The following RCC2 variants were observed in gnomAD, a reference collection of about 807,000 sequenced individuals.
RCC2 encodes the protein regulator of chromosome condensation 2.
A neutral mutation model predicts 64.1 loss-of-function variants in RCC2; 19 were observed. The ratio of observed to expected loss-of-function variants is 0.30; its 90% CI spans 0.21 to 0.44. The LOEUF (loss-of-function observed/expected upper bound fraction) is 0.44. RCC2 is among the 20% of genes least tolerant of loss of function. The pLI, the probability that RCC2 is intolerant of heterozygous loss-of-function variation, is 1.00. For synonymous variants in RCC2, 325 were observed against 279.6 expected (o/e 1.16, Z -1.62); for missense variants, 508 against 710.4 (o/e 0.72, Z 3.24).
chr1:17,431,141 G>T (rs537732277), intron 2 of RCC2, among the ~76,000 whole-genome samples: 1 of 150,032 alleles, frequency 6.7e-6, no homozygotes, highest in South Asian at 2.1e-4. Context: ...GACCATCCTG[G>T]CTAGCACGGT....
intron 7 of RCC2, among the ~76,000 whole-genome samples, chr1:17,418,978 G>A (rs2075521092): frequency 6.6e-6 from 1 of 152,302 alleles, no homozygotes. Flanking sequence ...TTCTCCAGAA[G>A]TACAGGACAG....
At chr1:17,424,361 G>A (rs1350288313) in intron 4 of RCC2, among the ~76,000 whole-genome samples, 1 of 152,214 alleles carries the variant, frequency 6.6e-6, no homozygotes, top group African/African-American at 2.4e-5. Context: ...CGCAAGTGAA[G>A]CTCAGCGAGA....
At position 17,426,665 on chromosome 1, in the gene RCC2, G is replaced by A. The variant is rs117300197; in HGVS notation, c.380-981C>T. ...CCCTCACAAATGCCTGGCACGCAGC[G>A]AGCACTCAATGGGAAAGAAAACCAC... On this transcript the variant is annotated intron_variant, in intron 3 of 12. Coordinates refer to ENST00000375436, the MANE Select transcript of RCC2 (RefSeq NM_018715.4). Among the ~76,000 whole-genome samples the A allele has an allele frequency of 1.1e-4, 17 of 151,814 alleles. No individual in the cohort carries two copies. The East Asian group carries it at 2.3e-3, about 21-fold the overall frequency.
chr1:17,424,190 C>A (rs901561649), intron 4 of RCC2, among the ~76,000 whole-genome samples: 1 of 152,214 alleles, frequency 6.6e-6, no homozygotes. Context: ...ACACCAGACG[C>A]CGCCCCCTGC....
chr1:17,436,327 A>C (rs1386743340), intron 2 of RCC2, among the ~76,000 whole-genome samples: 1 of 152,152 alleles, frequency 6.6e-6, no homozygotes, highest in Non-Finnish European at 1.5e-5. Flanking sequence ...AACATGGTAA[A>C]ACCCAGCCTC....
chr1:17,414,498 C>G (rs1466744070), intron 8 of RCC2, among the ~76,000 whole-genome samples: 1 of 149,670 alleles, frequency 6.7e-6, no homozygotes, highest in Non-Finnish European at 1.5e-5. Context: ...TCACTGCACT[C>G]CAGCCTGGGT....
At chr1:17,431,398 G>A (rs1409308529) in intron 2 of RCC2, among the ~76,000 whole-genome samples, 2 of 108,000 alleles carry the variant, frequency 1.9e-5, no homozygotes, top group African/African-American at 6.8e-5. Flanking sequence ...TGGGTGTGGT[G>A]GCTCACGCCT....
At position 17,422,089 on chromosome 1, in the gene RCC2, G is replaced by A. The variant is rs1570188207; in HGVS notation, c.744+114C>T. ...TCTACAGCATGTAACTAAACATCCA[G>A]ACCCTGTTTTTACAAGGGGTAAATT... On this transcript the variant is annotated intron_variant, in intron 6 of 12. Coordinates refer to ENST00000375436, the MANE Select transcript of RCC2 (RefSeq NM_018715.4). 2.0e-5 allele frequency: 14 copies of A among 703,106 alleles called. No homozygotes were observed. The East Asian group carries it at 3.8e-4, about 19-fold the overall frequency. The allele number at this position is 703,106 out of a possible 1,614,324, so 43.6% of individuals were successfully genotyped here.
chr1:17,431,227 G>A (rs1310833282), intron 2 of RCC2, among the ~76,000 whole-genome samples: 21 of 148,174 alleles, frequency 1.4e-4, no homozygotes, highest in Admixed American at 4.7e-4. Flanking sequence ...CCAGCTACTC[G>A]GGAGGCTGAG....
chr1:17,425,506 T>C, intron 4 of RCC2, 35 bp downstream of exon 4: 2 of 1,554,206 alleles, frequency 1.3e-6, no homozygotes, highest in Non-Finnish European at 1.8e-6. Flanking sequence ...CTGGTGACAG[T>C]GGTCCCCAGT....
chr1:17,434,703 T>G (rs928519659), intron 2 of RCC2, among the ~76,000 whole-genome samples: 1 of 152,116 alleles, frequency 6.6e-6, no homozygotes, highest in Non-Finnish European at 1.5e-5. Context: ...GAAATCTACC[T>G]CCAGGTGGAT....
chr1:17,408,150 G>C lies in RCC2; in HGVS notation c.*940C>G, dbSNP rs1014341388. The C allele has an allele frequency of 1.3e-5, 2 of 152,456 alleles. No individual in the cohort carries two copies. Among genetic ancestry groups the C allele is most frequent in the African/African-American group, 2.4e-5 (1 of 41,464 alleles). 9.4% of individuals were successfully genotyped at this position (152,456 alleles called of 1,614,324 possible). The stretch of plus-strand genomic sequence containing the variant: ...GCCCGCGCGAGGCAGGATCCAGGCG[G>C]GGGGGAGAAAAAGAGACCAAAGCAC... On this transcript the variant is annotated 3_prime_UTR_variant, in exon 13 of 13. Transcript: ENST00000375436.
rs529802186 is a variant in RCC2, at chr1:17,428,449, G to A, written c.379+657C>T. On this transcript the variant is annotated intron_variant, in intron 3 of 12. Coordinates refer to ENST00000375436, the MANE Select transcript of RCC2 (RefSeq NM_018715.4). ...TTTTAAGGTGCCAAGACGAGCCAGC[G>A]TGCAAATATTTGTTCATGGGGCAAA... Among the ~76,000 whole-genome samples the A allele has an allele frequency of 2.6e-5, 4 of 152,342 alleles. No homozygotes were observed. In the South Asian group the frequency reaches 6.2e-4, roughly 24 times the overall value.
rs1027203159 is a variant in RCC2, at chr1:17,409,095, G to C, written c.1564C>G (p.Leu522Val). 8.1e-6 allele frequency: 13 copies of C among 1,610,192 alleles called. No individual in the cohort carries two copies. The Admixed American group carries it at 2.0e-4, about 25-fold the overall frequency. The change falls in exon 13 of 13, where the codon CTC becomes GTC. Residue 522 changes from leucine (L) to valine (V), a missense_variant. Leu to Val is a conservative substitution (Grantham distance 32). Around this residue, in one of 4 missense-constraint regions of RCC2, gnomAD observed 179 missense variants for 322.0 expected, o/e 0.56. Coordinates refer to ENST00000375436, the MANE Select transcript of RCC2 (RefSeq NM_018715.4). ...KKLPEYNPRT[L>V] Reference sequence around the variant, plus strand: ...CGGAGGAGTCTCCGGGAGCATCAGAGGGTTCGGGGGTTGTATTCTGGCAGT... The same window carrying C: ...CGGAGGAGTCTCCGGGAGCATCAGACGGTTCGGGGGTTGTATTCTGGCAGT...
chr1:17,433,825 C>T (rs967115152), intron 2 of RCC2, among the ~76,000 whole-genome samples: 8 of 152,122 alleles, frequency 5.3e-5, no homozygotes, highest in East Asian at 1.9e-4. Context: ...TGTAGAAGAC[C>T]GCTGCTCCGG....
At chr1:17,438,202 C>T in intron 2 of RCC2, 28 bp downstream of exon 2, 1 of 1,202,860 alleles carries the variant, frequency 8.3e-7, no homozygotes, top group Non-Finnish European at 1.0e-6. Context: ...GGCCCTGCGC[C>T]CACCCGTCTA....
chr1:17,423,748 G>A lies in RCC2; in HGVS notation c.524-912C>T, dbSNP rs554338682. Among the ~76,000 whole-genome samples, 12 of 152,368 alleles carry A rather than the reference G, an allele frequency of 7.9e-5. No homozygotes were observed. In the South Asian group the frequency reaches 1.0e-3, roughly 13 times the overall value. Reference sequence around the variant, plus strand: ...TGTAACCTGACGTGGGGAAACTGACGGAGATCTTACAGTGGTGAGAAGTCA... The same window carrying A: ...TGTAACCTGACGTGGGGAAACTGACAGAGATCTTACAGTGGTGAGAAGTCA... On this transcript the variant is annotated intron_variant, in intron 4 of 12. Coordinates refer to ENST00000375436, the MANE Select transcript of RCC2 (RefSeq NM_018715.4).
chr1:17,424,117 C>A (rs528043222), intron 4 of RCC2, among the ~76,000 whole-genome samples: 1 of 152,198 alleles, frequency 6.6e-6, no homozygotes, highest in Non-Finnish European at 1.5e-5. Flanking sequence ...ACAGGGTGAG[C>A]GGGCCACAGA....
At chr1:17,409,284 G>C in intron 12 of RCC2, 90 bp from the exon 13 acceptor site, 2 of 844,406 alleles carry the variant, frequency 2.4e-6, no homozygotes, top group South Asian at 2.7e-5. Context: ...TGCTAAAGCG[G>C]GTCAGCATGG....
Sources: allele counts gnomAD v4.1 joint callset (sites outside exome capture counted in the v4.1 genomes callset), GRCh38; gene constraint gnomAD v4.1.1; regional missense constraint gnomAD v4.1.1; transcripts MANE v1.5; gene names NCBI Gene and HGNC (gene_info 2026-07-23, HGNC 2026-07-21).